The following CIB4 variants were observed in gnomAD, a reference collection of about 807,000 sequenced individuals.
The protein encoded by CIB4 is calcium and integrin-binding family member 4.
Under a neutral mutation model 25.8 loss-of-function variants are expected in CIB4, and 25 were observed. The ratio of observed to expected loss-of-function variants is 0.97; its 90% confidence interval spans 0.71 to 1.35. CIB4 has a LOEUF of 1.35. Ranked by LOEUF, CIB4 falls within the 40% of genes most tolerant of loss-of-function variation. The probability of loss-of-function intolerance (pLI) is 0.00; values close to 1 mark genes in which losing one functional copy is unlikely to be tolerated. For missense variants in CIB4, 235 were observed against 228.2 expected, an observed-to-expected ratio of 1.03 and a Z score of -0.19; for synonymous variants, 75 against 81.4, an observed-to-expected ratio of 0.92 and a Z score of 0.42.
chr2:26,617,145 T>TGTGTGTGTGTGTGTGTGTGTGC (rs1381689008), intron 3 of CIB4, among the ~76,000 whole-genome samples: 12 of 139,024 alleles, frequency 8.6e-5, no homozygotes, highest in African/African-American at 2.8e-4. Flanking sequence ...TGTGTGTGTG[T>TGTGTGTGTGTGTGTGTGTGTGC]GTGCACGTGA....
Position 26,623,727 on chromosome 2 carries a change from G to A in CIB4, c.186+5683C>T, listed in dbSNP as rs137868322. 3.4e-4 allele frequency: 116 copies of A among 345,630 alleles called. 1 individual carries two copies. The highest frequency in any genetic ancestry group is 2.3e-3 in the African/African-American group (107 of 47,134). 21.4% of individuals were successfully genotyped at this position (345,630 alleles called of 1,614,324 possible). ...AGCAGGAAGCCCGGAGCAGGAGGAG[G>A]GAAGAGGCCAGGGGGGTGAGGTGGC... On this transcript the variant is annotated intron_variant, in intron 3 of 6. Coordinates refer to ENST00000288861, the MANE Select transcript of CIB4 (RefSeq NM_001029881.3).
At chr2:26,590,475 G>A (rs542878244) in intron 4 of CIB4, among the ~76,000 whole-genome samples, 1 of 152,190 alleles carries the variant, frequency 6.6e-6, no homozygotes, top group South Asian at 2.1e-4. Flanking sequence ...GGGCCACACC[G>A]GGGGTAGCAA....
At chr2:26,584,431 C>T (rs1005923657) in intron 4 of CIB4, among the ~76,000 whole-genome samples, 2 of 152,186 alleles carry the variant, frequency 1.3e-5, no homozygotes, top group African/African-American at 4.8e-5. Flanking sequence ...TGCTCCTGTC[C>T]CGATGTGGTA....
chr2:26,618,860 T>C (rs1020046736), intron 3 of CIB4, among the ~76,000 whole-genome samples: 5 of 152,174 alleles, frequency 3.3e-5, no homozygotes, highest in African/African-American at 4.8e-5. Flanking sequence ...CTGACGGGCA[T>C]GACCAAGGCA....
rs753112198 is a variant in CIB4, at chr2:26,641,358, C to G, written c.-44G>C. On this transcript the variant is annotated 5_prime_UTR_variant, in exon 1 of 7. Transcript: ENST00000288861. Reference sequence around the variant, plus strand: ...TCTGCCAGCAGTAGAACCTCAGCCTCAAGGACTCGCCAGCTGAGGCACCTC... The same window carrying G: ...TCTGCCAGCAGTAGAACCTCAGCCTGAAGGACTCGCCAGCTGAGGCACCTC... The G allele has an allele frequency of 2.6e-6, 4 of 1,545,188 alleles. No individual in the cohort carries two copies. The highest frequency in any genetic ancestry group is 3.6e-6 in the Non-Finnish European group (4 of 1,117,134).
At chr2:26,614,905 G>A (rs1669062268) in intron 3 of CIB4, among the ~76,000 whole-genome samples, 1 of 152,236 alleles carries the variant, frequency 6.6e-6, no homozygotes, top group Non-Finnish European at 1.5e-5. Context: ...GCACGTCAAG[G>A]ATAATGCGCC....
intron 5 of CIB4, among the ~76,000 whole-genome samples, chr2:26,583,210 G>A (rs1410842543): frequency 6.6e-6 from 1 of 152,178 alleles, no homozygotes; most frequent in Non-Finnish European, 1.5e-5. Context: ...CACTGAAGGG[G>A]GCCCAGGCAG....
intron 3 of CIB4, among the ~76,000 whole-genome samples, chr2:26,624,038 G>A (rs909388734): frequency 2.0e-5 from 3 of 152,308 alleles, no homozygotes; most frequent in African/African-American, 4.8e-5. Flanking sequence ...GTCCCCGTGC[G>A]GGACATTTTG....
chr2:26,585,513 C>G (rs4258761), intron 4 of CIB4, among the ~76,000 whole-genome samples: 1 of 152,054 alleles, frequency 6.6e-6, no homozygotes, highest in Non-Finnish European at 1.5e-5. Flanking sequence ...CTGGATGGGC[C>G]GGGTGGTAAA....
At chr2:26,586,640 AC>A (rs1460532630) in intron 4 of CIB4, among the ~76,000 whole-genome samples, 10 of 152,180 alleles carry the variant, frequency 6.6e-5, no homozygotes, top group African/African-American at 2.4e-4. Flanking sequence ...CGAATGAACT[AC>A]CCAGGGTAAC....
At chr2:26,637,805 T>C (rs1216484046) in intron 2 of CIB4, among the ~76,000 whole-genome samples, 2 of 152,320 alleles carry the variant, frequency 1.3e-5, no homozygotes, top group East Asian at 1.9e-4. Flanking sequence ...TGTGGTCTCC[T>C]GGGTCTGGAG....
At position 26,583,898 on chromosome 2, in the gene CIB4, TC is replaced by T; in HGVS notation, c.329-1del. Reference sequence around the variant, plus strand: ...ATCAATGAAGCCATTCTCATTAAAATCTGCAAAGAAGAGGCCAGGCCTGCAT... The same window carrying T: ...ATCAATGAAGCCATTCTCATTAAAATTGCAAAGAAGAGGCCAGGCCTGCAT... On this transcript the variant is annotated splice_acceptor_variant, in intron 4 of 6. Coordinates refer to ENST00000288861, the MANE Select transcript of CIB4 (RefSeq NM_001029881.3). LOFTEE classifies it high-confidence loss of function. 6.2e-7 allele frequency: 1 copy of T among 1,603,074 alleles called. No homozygotes were observed. The highest frequency in any genetic ancestry group is 8.5e-7 in the Non-Finnish European group (1 of 1,170,218).
At position 26,638,836 on chromosome 2, in the gene CIB4, C is replaced by T. The variant is rs577033926; in HGVS notation, c.89+1697G>A. Among the ~76,000 whole-genome samples the T allele has an allele frequency of 9.2e-5, 14 of 152,200 alleles. 1 individual carries two copies. In the South Asian group the frequency reaches 2.9e-3, roughly 32 times the overall value. On this transcript the variant is annotated intron_variant, in intron 2 of 6. Transcript: ENST00000288861. ...GCGTGGTGGCAGGCACCTGTAGTCC[C>T]AGCTACTCAGGAGGCTGAGGCAAGA...
intron 3 of CIB4, among the ~76,000 whole-genome samples, chr2:26,619,219 A>G (rs1572563416): frequency 6.6e-6 from 1 of 152,186 alleles, no homozygotes; most frequent in Middle Eastern, 3.4e-3. Context: ...GAGGAGTGAC[A>G]TTTCCCAGGA....
intron 4 of CIB4, among the ~76,000 whole-genome samples, 160 bp downstream of exon 4, chr2:26,595,016 T>C (rs1163521714): frequency 6.6e-6 from 1 of 152,100 alleles, no homozygotes; most frequent in Non-Finnish European, 1.5e-5. Flanking sequence ...CAATCTTTTT[T>C]TTTTATTCCA....
chr2:26,594,655 G>T (rs953375809), intron 4 of CIB4, among the ~76,000 whole-genome samples: 3 of 152,058 alleles, frequency 2.0e-5, no homozygotes, highest in African/African-American at 7.2e-5. Context: ...GCAGACATTT[G>T]CCTGGTGAAG....
chr2:26,589,059 CCTCTTCCTCTTCCTCT>C (rs1558554829), intron 4 of CIB4, among the ~76,000 whole-genome samples: 13 of 29,328 alleles, frequency 4.4e-4, no homozygotes, highest in Non-Finnish European at 8.8e-4. Context: ...TCTTCTTCTT[CCTCTTCCTCTTCCTCT>C]TCTTCTTCTT....
intron 3 of CIB4, among the ~76,000 whole-genome samples, chr2:26,616,689 T>C (rs1193760115): frequency 2.0e-5 from 3 of 152,174 alleles, no homozygotes; most frequent in African/African-American, 4.8e-5. Flanking sequence ...CTATTCCATC[T>C]CAGCCATCAA....
At chr2:26,624,607 C>G (rs1224936929) in intron 3 of CIB4, among the ~76,000 whole-genome samples, 2 of 151,680 alleles carry the variant, frequency 1.3e-5, no homozygotes, top group Non-Finnish European at 2.9e-5. Flanking sequence ...TGGTCACTGA[C>G]AGTGGATGAC....
Sources: allele counts gnomAD v4.1 joint callset (sites outside exome capture counted in the v4.1 genomes callset), GRCh38; gene constraint gnomAD v4.1.1; transcripts MANE v1.5; gene names NCBI Gene and HGNC (gene_info 2026-07-23, HGNC 2026-07-21).